The following ZBTB16 variants were observed in gnomAD, a reference collection of about 807,000 sequenced individuals.
ZBTB16 encodes the protein zinc finger and BTB domain containing 16.
In ZBTB16, 8 loss-of-function variants were observed where a neutral mutation model predicts 56.8. The observed-to-expected ratio is 0.14, with a 90% confidence interval of 0.08 to 0.25. The LOEUF (loss-of-function observed/expected upper bound fraction) is 0.25. ZBTB16 is among the 10% of genes least tolerant of loss of function. ZBTB16 has a pLI of 1.00. For missense variants in ZBTB16, 625 were observed against 903.0 expected, an observed-to-expected ratio of 0.69 and a Z score of 3.95; for synonymous variants, 363 against 368.5, an observed-to-expected ratio of 0.98 and a Z score of 0.17.
intron 2 of ZBTB16, among the ~76,000 whole-genome samples, chr11:114,073,526 A>T (rs1356851960): frequency 6.6e-6 from 1 of 152,100 alleles, no homozygotes; most frequent in Non-Finnish European, 1.5e-5. Context: ...AGCTGCAAGG[A>T]GGGGATCCGG....
In ZBTB16 at chr11:114,250,465, C is replaced by T. The variant is rs765990632; in HGVS notation, c.1932C>T (p.Ser644=). ...CAGAGTACTGCCCCAGCCTCTCCTC[C>T]ATGCAGAAGCACATGAAGGGCCACA... ...ICTEYCPSLS[S]MQKHMKGHKP... The change falls in exon 7 of 7, where the codon TCC becomes TCT. Residue 644 remains serine, a synonymous_variant. Coordinates refer to ENST00000335953, the MANE Select transcript of ZBTB16 (RefSeq NM_006006.6). The surrounding 1 kb of genome is among the most constrained non-coding windows in gnomAD (Gnocchi z 6.0). 1.9e-6 allele frequency: 3 copies of T among 1,614,164 alleles called. No homozygotes were observed. In the Admixed American group the frequency reaches 5.0e-5, roughly 27 times the overall value.
intron 2 of ZBTB16, among the ~76,000 whole-genome samples, chr11:114,076,121 G>A (rs539736381): frequency 2.4e-4 from 37 of 152,288 alleles, no homozygotes; most frequent in African/African-American, 8.2e-4. Flanking sequence ...AAAGCATGCC[G>A]GAATCTGGCC....
chr11:114,256,688 G>GT lies in ZBTB16; in HGVS notation c.*6134dup, dbSNP rs1341197988. Reference sequence around the variant, plus strand: ...AAAGGAGATTGGAGCAGGTGGCCTTGTGCAGGGGAGGGGATGGGTGGGAGG... The same window carrying GT: ...AAAGGAGATTGGAGCAGGTGGCCTTGTTGCAGGGGAGGGGATGGGTGGGAGG... On this transcript the variant is annotated 3_prime_UTR_variant, in exon 7 of 7. Transcript: ENST00000335953. Among the ~76,000 whole-genome samples, 1 of 152,058 alleles carries GT rather than the reference G, an allele frequency of 6.6e-6. No homozygotes were observed. The highest frequency in any genetic ancestry group is 2.4e-5 in the African/African-American group (1 of 41,404).
At chr11:114,249,457 C>CAA (rs57092004) in intron 6 of ZBTB16, among the ~76,000 whole-genome samples, 22 of 24,178 alleles carry the variant, frequency 9.1e-4, no homozygotes, top group Admixed American at 1.5e-3. Flanking sequence ...GACTCCATCT[C>CAA]AAAAAAAAAA....
In ZBTB16 at chr11:114,253,109, G is replaced by A. The variant is rs180761162; in HGVS notation, c.*2554G>A. On this transcript the variant is annotated 3_prime_UTR_variant, in exon 7 of 7. Coordinates refer to ENST00000335953, the MANE Select transcript of ZBTB16 (RefSeq NM_006006.6). ...TTCCTCCTCTGGTCTGGGAAGAAGC[G>A]GGGACTGGCTGGCCCTCAGGGGATC... Among the ~76,000 whole-genome samples, 530 of 152,240 alleles carry A rather than the reference G, an allele frequency of 3.5e-3. 4 individuals are homozygous for A. The highest frequency in any genetic ancestry group is 0.011 in the African/African-American group (438 of 41,528).
At chr11:114,105,622 C>T (rs1940764263) in intron 2 of ZBTB16, among the ~76,000 whole-genome samples, 1 of 152,164 alleles carries the variant, frequency 6.6e-6, no homozygotes. Flanking sequence ...ATTTTAGTTT[C>T]ATTTGAGACA....
intron 2 of ZBTB16, among the ~76,000 whole-genome samples, chr11:114,154,528 C>G (rs1431118826): frequency 6.6e-6 from 1 of 152,054 alleles, no homozygotes; most frequent in African/African-American, 2.4e-5. Flanking sequence ...ACTCACATAC[C>G]CCTAGGTATG....
At chr11:114,241,233 TA>T (rs60753205) in intron 4 of ZBTB16, among the ~76,000 whole-genome samples, 167 of 143,028 alleles carry the variant, frequency 1.2e-3, no homozygotes, top group African/African-American at 2.5e-3. Flanking sequence ...GAGAAGTAGT[TA>T]AAAAAAAAAA....
intron 4 of ZBTB16, among the ~76,000 whole-genome samples, chr11:114,233,588 C>G (rs192792208): frequency 3.9e-4 from 60 of 152,258 alleles, no homozygotes; most frequent in Non-Finnish European, 2.9e-5. Flanking sequence ...TCTCTCCTTG[C>G]AAACCAAACT....
intron 5 of ZBTB16, among the ~76,000 whole-genome samples, chr11:114,244,326 C>A (rs1223629073): frequency 6.7e-6 from 1 of 149,148 alleles, no homozygotes; most frequent in African/African-American, 2.5e-5. Flanking sequence ...AGACACTGGG[C>A]TTGGCCAGTG....
intron 2 of ZBTB16, among the ~76,000 whole-genome samples, chr11:114,072,446 G>C (rs1939383510): frequency 6.6e-6 from 1 of 152,200 alleles, no homozygotes; most frequent in Non-Finnish European, 1.5e-5. Flanking sequence ...GGCCAGGCGT[G>C]CACATCACTG....
chr11:114,162,438 G>A (rs1942615658), intron 3 of ZBTB16, among the ~76,000 whole-genome samples: 1 of 152,164 alleles, frequency 6.6e-6, no homozygotes, highest in South Asian at 2.1e-4. Context: ...GCTGATGATG[G>A]GAGAGGTGCC....
intron 4 of ZBTB16, among the ~76,000 whole-genome samples, chr11:114,203,948 G>C (rs1267090157): frequency 6.6e-6 from 1 of 152,104 alleles, no homozygotes; most frequent in Non-Finnish European, 1.5e-5. Context: ...AGGAGGAGAC[G>C]GGGTAGTTGC....
chr11:114,171,594 A>C (rs536815953), intron 3 of ZBTB16, among the ~76,000 whole-genome samples: 1 of 152,260 alleles, frequency 6.6e-6, no homozygotes, highest in East Asian at 1.9e-4. Flanking sequence ...TGACAGGAAG[A>C]GTCATTGTCA....
At position 114,119,484 on chromosome 11, in the gene ZBTB16, G is replaced by A. The variant is rs58969431; in HGVS notation, c.1269-36853G>A. Among the ~76,000 whole-genome samples, 1,107 of 152,014 alleles carry A rather than the reference G, an allele frequency of 7.3e-3. 20 individuals are homozygous for A. Among genetic ancestry groups the A allele is most frequent in the African/African-American group, 0.025 (1,026 of 41,438 alleles). On this transcript the variant is annotated intron_variant, in intron 2 of 6. Coordinates refer to ENST00000335953, the MANE Select transcript of ZBTB16 (RefSeq NM_006006.6). ...ACCAGGAGCTCTCTAATGCAGTGTC[G>A]ACTGCTATTCTCAATGAGGCCCAGC...
chr11:114,241,421 C>G (rs1230099987), intron 4 of ZBTB16, among the ~76,000 whole-genome samples: 1 of 152,104 alleles, frequency 6.6e-6, no homozygotes, highest in Non-Finnish European at 1.5e-5. Context: ...AGCTCCGCCT[C>G]CTGTCATATT....
At chr11:114,089,387 C>T (rs1268053059) in intron 2 of ZBTB16, among the ~76,000 whole-genome samples, 1 of 152,282 alleles carries the variant, frequency 6.6e-6, no homozygotes, top group African/African-American at 2.4e-5. Context: ...TGTTATACCA[C>T]GATATTGATT....
intron 3 of ZBTB16, 113 bp downstream of exon 3, chr11:114,156,547 C>T: frequency 1.0e-6 from 1 of 982,686 alleles, no homozygotes; most frequent in East Asian, 2.5e-5. Context: ...CCGCTGGGGC[C>T]CTGGTCCATC....
intron 4 of ZBTB16, among the ~76,000 whole-genome samples, chr11:114,190,880 T>C (rs1943476762): frequency 6.6e-6 from 1 of 152,204 alleles, no homozygotes; most frequent in South Asian, 2.1e-4. Context: ...GAGGTTTAAT[T>C]GGCTCACAGT....
Sources: gnomAD v4.1 joint callset for allele counts (sites outside exome capture counted in the v4.1 genomes callset) on GRCh38, gnomAD v4.1.1 for gene constraint, Gnocchi (gnomAD v3.1) non-coding constraint, MANE v1.5 for transcripts, NCBI Gene and HGNC (gene_info 2026-07-23, HGNC 2026-07-21) for gene names.